The following SYNJ1 variants were observed in gnomAD, a reference collection of about 807,000 sequenced individuals.
SYNJ1 encodes the protein polyphosphatidylinositol phosphatase SYNJ1.
In SYNJ1, 78 loss-of-function variants were observed where a neutral mutation model predicts 168.2. The observed-to-expected ratio is 0.46, with a 90% confidence interval of 0.39 to 0.56. The LOEUF (loss-of-function observed/expected upper bound fraction) is 0.56, where lower values mean the gene tolerates loss of function less well. Among genes scored for constraint, SYNJ1 ranks in the 20% least tolerant of loss-of-function variants. SYNJ1 has a pLI of 0.00. For synonymous variants in SYNJ1, 539 were observed against 548.6 expected, an observed-to-expected ratio of 0.98 and a Z score of 0.24; for missense variants, 1,303 against 1,597.6, an observed-to-expected ratio of 0.82 and a Z score of 3.14.
At chr21:32,676,488 A>C (rs2041414157) in intron 12 of SYNJ1, 133 bp from the exon 13 acceptor site, 2 of 742,426 alleles carry the variant, frequency 2.7e-6, no homozygotes, top group African/African-American at 1.8e-5. Flanking sequence ...TTTTTCTGAT[A>C]GCTATAGAAC....
At chr21:32,684,950 C>T (rs1478287611) in intron 9 of SYNJ1, among the ~76,000 whole-genome samples, 5 of 151,478 alleles carry the variant, frequency 3.3e-5, no homozygotes, top group Non-Finnish European at 5.9e-5. Context: ...GAGGCGGAGG[C>T]GGGTGGATCA....
chr21:32,684,304 A>G (rs1654619223), intron 9 of SYNJ1, among the ~76,000 whole-genome samples, 185 bp from the exon 10 acceptor site: 1 of 152,200 alleles, frequency 6.6e-6, no homozygotes, highest in Non-Finnish European at 1.5e-5. Context: ...AAATTTGACA[A>G]CTGTTAACAT....
At chr21:32,727,688 GC>G in intron 1 of SYNJ1, 1 of 650,366 alleles carries the variant, frequency 1.5e-6, no homozygotes, top group Non-Finnish European at 2.4e-6. Context: ...ATACCCCGGC[GC>G]CCAGGCGGAT....
In SYNJ1 at chr21:32,646,580, A is replaced by T. The variant is rs141637663; in HGVS notation, c.3060T>A (p.Ala1020=). Reference sequence around the variant, plus strand: ...GCTGAGGAAGAAGTTCCTCCACTTCAGCACTATAGTCATCAACATCACCTA... The same window carrying T: ...GCTGAGGAAGAAGTTCCTCCACTTCTGCACTATAGTCATCAACATCACCTA... The part of the protein sequence containing the change: ...DMEGDVDDYS[A]EVEELLPQHL... Residue 1020 remains alanine, a synonymous_variant, in exon 24 of 33, where the codon GCT becomes GCA. Transcript: ENST00000674351. The T allele has an allele frequency of 1.2e-6, 2 of 1,614,146 alleles. No individual in the cohort carries two copies. The highest frequency in any genetic ancestry group is 1.7e-4 in the Middle Eastern group (1 of 6,060).
chr21:32,678,075 G>C (rs190006097), intron 12 of SYNJ1, among the ~76,000 whole-genome samples: 88 of 152,198 alleles, frequency 5.8e-4, no homozygotes, highest in African/African-American at 1.3e-3. Flanking sequence ...AAAAGACACA[G>C]TGGAAGGTGA....
rs775339085 is a variant in SYNJ1 at position 32,643,455 on chromosome 21, T to C, written c.3433A>G (p.Ile1145Val). The C allele has an allele frequency of 2.5e-6, 4 of 1,613,600 alleles. 1 individual carries two copies. The South Asian group carries it at 4.4e-5, about 18-fold the overall frequency. Reference protein sequence around the residue: ...PAPTRKEFGGIGAPPSPGVAR... With the variant: ...PAPTRKEFGGVGAPPSPGVAR... The stretch of plus-strand genomic sequence containing the variant: ...ACCCCAGGACTGGGAGGGGCTCCAA[T>C]ACCTTTTTAGAGAAAGAACAGAAAC... Residue 1145 changes from isoleucine (I) to valine (V), a missense_variant and splice_region_variant, in exon 27 of 33, where the codon ATT becomes GTT. Coordinates refer to ENST00000674351, the MANE Select transcript of SYNJ1 (RefSeq NM_203446.3).
At chr21:32,726,614 C>G (rs1448233707) in intron 2 of SYNJ1, among the ~76,000 whole-genome samples, 158 bp downstream of exon 2, 2 of 152,118 alleles carry the variant, frequency 1.3e-5, no homozygotes, top group Non-Finnish European at 2.9e-5. Context: ...AAAAAGTTTG[C>G]AGGAAAATAA....
chr21:32,656,827 T>A lies in SYNJ1; in HGVS notation c.2655A>T (p.Val885=). Reference sequence around the variant, plus strand: ...CATCTGGTGGACCCTGAACTGCAATTACTTCTTTATAAATGTTTTGCCTCT... The same window carrying A: ...CATCTGGTGGACCCTGAACTGCAATAACTTCTTTATAAATGTTTTGCCTCT... ...AEERQNIYKE[V]IAVQGPPDGT... The change falls in exon 21 of 33, where the codon GTA becomes GTT. Residue 885 remains valine (V), a synonymous_variant. Transcript: ENST00000674351. 1 of 1,614,194 alleles carries A rather than the reference T, an allele frequency of 6.2e-7. No individual in the cohort carries two copies. Among genetic ancestry groups the A allele is most frequent in the Non-Finnish European group, 8.5e-7 (1 of 1,180,036 alleles).
rs5843562 is a variant in SYNJ1 at position 32,637,406 on chromosome 21, C to CT, written c.3915+1501dup. Among the ~76,000 whole-genome samples, 547 of 100,276 alleles carry CT rather than the reference C, an allele frequency of 5.5e-3. 5 individuals are homozygous for CT. Among genetic ancestry groups the CT allele is most frequent in the East Asian group, 0.03 (106 of 3,546 alleles). 65.8% of individuals were successfully genotyped at this position (100,276 alleles called of 152,430 possible). A position where few individuals can be genotyped will look rare whatever the true frequency, so the allele number is the denominator to read the frequency against. The stretch of plus-strand genomic sequence containing the variant: ...TCACCATCCTCAATTTTTCTTTTTT[C>CT]TTTTTTTTTTTTTTTTTTTTGAGAT... On this transcript the variant is annotated intron_variant, in intron 31 of 32. Coordinates refer to ENST00000674351, the MANE Select transcript of SYNJ1 (RefSeq NM_203446.3).
intron 6 of SYNJ1, among the ~76,000 whole-genome samples, chr21:32,690,846 C>T (rs184807994): frequency 7.4e-4 from 112 of 152,174 alleles, no homozygotes; most frequent in Non-Finnish European, 1.2e-3. Flanking sequence ...CACTTGAAGC[C>T]GGGAGGCGGA....
intron 10 of SYNJ1, among the ~76,000 whole-genome samples, chr21:32,683,413 CACTA>C (rs1370865925): frequency 2.0e-5 from 3 of 151,802 alleles, no homozygotes; most frequent in Non-Finnish European, 2.9e-5. Flanking sequence ...TTTTCATTCT[CACTA>C]ACTATGGCAT....
At chr21:32,633,625 C>T (rs569170926) in intron 32 of SYNJ1, among the ~76,000 whole-genome samples, 3 of 152,146 alleles carry the variant, frequency 2.0e-5, no homozygotes, top group Non-Finnish European at 4.4e-5. Flanking sequence ...CATAACTATA[C>T]TTTCATGAAA....
chr21:32,718,133 C>T (rs1010951492), intron 2 of SYNJ1, among the ~76,000 whole-genome samples: 3 of 152,106 alleles, frequency 2.0e-5, no homozygotes, highest in Non-Finnish European at 4.4e-5. Flanking sequence ...TCCTGAGTTA[C>T]GTATATTTTA....
chr21:32,657,691 TA>T, intron 19 of SYNJ1, 24 bp downstream of exon 19: 1 of 1,568,834 alleles, frequency 6.4e-7, no homozygotes, highest in Non-Finnish European at 8.6e-7. Flanking sequence ...TTAGTTCATT[TA>T]AATAAAGAAG....
At chr21:32,708,563 G>A (rs1444331643) in intron 2 of SYNJ1, among the ~76,000 whole-genome samples, 7 of 152,236 alleles carry the variant, frequency 4.6e-5, no homozygotes, top group Admixed American at 2.0e-4. Flanking sequence ...CAGTTCAGGT[G>A]AGGTAAGGCG....
rs202044634 is a variant in SYNJ1, at chr21:32,694,317, G to GA, written c.706-7dup. ...GAGTCATCTAAGTACACAACCTACAGAAAAAAAAATAATATGTAAACTATT... is the reference window on the plus strand; with the variant it reads ...GAGTCATCTAAGTACACAACCTACAGAAAAAAAAAATAATATGTAAACTATT... On this transcript the variant is annotated splice_region_variant and splice_polypyrimidine_tract_variant and intron_variant, in intron 5 of 32. Transcript: ENST00000674351. 9,544 of 1,449,798 alleles carry GA rather than the reference G, an allele frequency of 6.6e-3. No individual in the cohort carries two copies. Among genetic ancestry groups the GA allele is most frequent in the East Asian group, 0.015 (566 of 37,244 alleles). The allele number at this position is 1,449,798 out of a possible 1,614,324, so 89.8% of individuals were successfully genotyped here. A position where few individuals can be genotyped will look rare whatever the true frequency, so the allele number is the denominator to read the frequency against.
Position 32,727,985 on chromosome 21 carries a change from C to G in SYNJ1, c.-62G>C. 1 of 1,535,538 alleles carries G rather than the reference C, an allele frequency of 6.5e-7. No homozygotes were observed. Among genetic ancestry groups the G allele is most frequent in the Non-Finnish European group, 8.7e-7 (1 of 1,145,950 alleles). On this transcript the variant is annotated 5_prime_UTR_variant, in exon 1 of 33. Transcript: ENST00000674351. Reference sequence around the variant, plus strand: ...CCTCCTCCTCCTTCTCCCGCAGCCGCCGCCACAGCCGCCGGGAGCGTCACT... The same window carrying G: ...CCTCCTCCTCCTTCTCCCGCAGCCGGCGCCACAGCCGCCGGGAGCGTCACT...
At chr21:32,684,938 G>GGGAGGC (rs2041767466) in intron 9 of SYNJ1, among the ~76,000 whole-genome samples, 1 of 152,146 alleles carries the variant, frequency 6.6e-6, no homozygotes, top group Non-Finnish European at 1.5e-5. Flanking sequence ...CCAGCACTTT[G>GGGAGGC]GGAGGCGGAG....
chr21:32,727,171 G>A (rs904206782), intron 1 of SYNJ1, among the ~76,000 whole-genome samples: 4 of 152,294 alleles, frequency 2.6e-5, no homozygotes, highest in Admixed American at 2.0e-4. Context: ...TCAATCAACG[G>A]TCTGGTTGAG....
Sources: gnomAD v4.1 joint callset for allele counts (sites outside exome capture counted in the v4.1 genomes callset) on GRCh38, gnomAD v4.1.1 for gene constraint, MANE v1.5 for transcripts, NCBI Gene and HGNC (gene_info 2026-07-23, HGNC 2026-07-21) for gene names.